Variants in HAGH observed in about 807,000 individuals in gnomAD.
HAGH encodes hydroxyacylglutathione hydrolase, mitochondrial.
A neutral mutation model predicts 35.1 loss-of-function variants in HAGH; 29 were observed. The ratio of observed to expected loss-of-function variants is 0.83; its 90% confidence interval spans 0.62 to 1.13. The LOEUF (loss-of-function observed/expected upper bound fraction) is 1.13. Ranked by LOEUF, HAGH falls within the 50% of genes most tolerant of loss-of-function variation. The pLI, the probability that HAGH is intolerant of heterozygous loss-of-function variation, is 0.00. For synonymous variants in HAGH, 225 were observed against 176.1 expected (o/e 1.28, Z -2.20); for missense variants, 478 against 419.6 (o/e 1.14, Z -1.22).
chr16:1,826,293 A>T (rs1456027805), intron 1 of HAGH, among the ~76,000 whole-genome samples: 3 of 150,906 alleles, frequency 2.0e-5, no homozygotes, highest in Non-Finnish European at 4.4e-5. Context: ...CCACCACCGC[A>T]GGCGGCGCCG....
At chr16:1,816,292 A>T (rs74002488) in intron 7 of HAGH, among the ~76,000 whole-genome samples, 13,932 of 151,846 alleles carry the variant, frequency 0.092, 785 homozygotes, top group African/African-American at 0.16. Flanking sequence ...CTGTAAAATA[A>T]TGTTAACCTC....
chr16:1,822,505 C>T (rs943362064), intron 2 of HAGH, 141 bp from the exon 3 acceptor site: 11 of 725,710 alleles, frequency 1.5e-5, no homozygotes, highest in African/African-American at 1.4e-4. Flanking sequence ...TGCCAGCTTG[C>T]CCTGCTCCAG....
At chr16:1,819,448 G>C (rs144158473) in intron 4 of HAGH, among the ~76,000 whole-genome samples, 208 of 152,336 alleles carry the variant, frequency 1.4e-3, no homozygotes, top group Non-Finnish European at 2.5e-3. Context: ...AAAAACCAAG[G>C]GGCTTGTTTC....
rs985361811 is a variant in HAGH at position 1,809,211 on chromosome 16, G to A, written c.*72C>T. The A allele has an allele frequency of 4.9e-5, 50 of 1,016,692 alleles. No individual in the cohort carries two copies. The highest frequency in any genetic ancestry group is 6.3e-5 in the Non-Finnish European group (42 of 665,690). The allele number at this position is 1,016,692 out of a possible 1,614,324, so 63.0% of individuals were successfully genotyped here. On this transcript the variant is annotated 3_prime_UTR_variant, in exon 9 of 9. Coordinates refer to ENST00000397356, the MANE Select transcript of HAGH (RefSeq NM_005326.6). ...AGGTTAAATCAAGACTGAATTTCCC[G>A]CACGGACCAGCAGGAAAGCCAGTTA...
intron 1 of HAGH, chr16:1,826,437 G>C (rs888894946): frequency 2.2e-6 from 1 of 452,214 alleles, no homozygotes; most frequent in African/African-American, 2.1e-5. Context: ...ATGCCCTGGA[G>C]GCGTCAGGGG....
intron 7 of HAGH, among the ~76,000 whole-genome samples, chr16:1,813,581 TAA>T (rs1567253516): frequency 6.6e-6 from 1 of 152,166 alleles, no homozygotes; most frequent in Non-Finnish European, 1.5e-5. Flanking sequence ...TGAGAAAAGC[TAA>T]AGACATTCAT....
intron 1 of HAGH, among the ~76,000 whole-genome samples, chr16:1,824,986 G>A (rs965486082): frequency 6.6e-6 from 1 of 152,196 alleles, no homozygotes; most frequent in Non-Finnish European, 1.5e-5. Context: ...CGTCCTCCTG[G>A]AAAGGAGCTC....
Position 1,819,488 on chromosome 16 carries a change from C to T in HAGH, c.433-265G>A, listed in dbSNP as rs550640907. Among the ~76,000 whole-genome samples, 108 of 152,332 alleles carry T rather than the reference C, an allele frequency of 7.1e-4. 1 individual carries two copies. The highest frequency in any genetic ancestry group is 3.4e-3 in the Middle Eastern group (1 of 294). On this transcript the variant is annotated intron_variant, in intron 4 of 8. Transcript: ENST00000397356. ...TTCAAAACTGGGCCAAATCCACGCT[C>T]GCCGTCTGGCTAGGAAAGACGGCTT...
At position 1,809,372 on chromosome 16, in the gene HAGH, C is replaced by G. The variant is rs756530698; in HGVS notation, c.838G>C (p.Val280Leu). The G allele has an allele frequency of 4.3e-6, 7 of 1,610,750 alleles. No individual in the cohort carries two copies. The change falls in exon 9 of 9, where the codon GTG becomes CTG. Residue 280 changes from valine to leucine, a missense_variant. Val to Leu is a conservative substitution (Grantham distance 32). Transcript: ENST00000397356. ...TCCGTCTCACCTGCGTGCTGCTGCA[C>G]CGTCTTCTCCCTGCGGAGGCCAGCA... ...NPFMRVREKT[V>L]QQHAGETDPV...
At chr16:1,811,019 G>A (rs1043873856) in intron 7 of HAGH, 4 of 152,246 alleles carry the variant, frequency 2.6e-5, no homozygotes, top group African/African-American at 9.6e-5. Context: ...CTTTAAAACA[G>A]AGGAAGTACA....
chr16:1,823,120 T>C, intron 1 of HAGH, 83 bp from the exon 2 acceptor site: 2 of 1,207,954 alleles, frequency 1.7e-6, no homozygotes, highest in Non-Finnish European at 2.4e-6. Flanking sequence ...CTTCCCAGCC[T>C]TTCTAGGTTC....
At chr16:1,817,716 C>T (rs995213400) in intron 5 of HAGH, among the ~76,000 whole-genome samples, 7 of 151,916 alleles carry the variant, frequency 4.6e-5, no homozygotes, top group African/African-American at 1.4e-4. Context: ...GCGGAAGATG[C>T]GGCCCACACC....
intron 1 of HAGH, among the ~76,000 whole-genome samples, chr16:1,824,799 G>A (rs546275634): frequency 6.6e-6 from 1 of 152,296 alleles, no homozygotes; most frequent in South Asian, 2.1e-4. Context: ...GCATTTTCCA[G>A]ATCATTCTCC....
chr16:1,814,930 T>TACAC (rs4027423), intron 7 of HAGH, among the ~76,000 whole-genome samples: 21,078 of 140,570 alleles, frequency 0.15, 1,659 homozygotes, highest in Admixed American at 0.23. Context: ...TATATGTATA[T>TACAC]ACACACACAC....
At chr16:1,811,235 G>A (rs1009398430) in intron 7 of HAGH, among the ~76,000 whole-genome samples, 2 of 152,080 alleles carry the variant, frequency 1.3e-5, no homozygotes, top group African/African-American at 4.8e-5. Context: ...GCAACACGGT[G>A]AAACCCCATC....
intron 8 of HAGH, 139 bp from the exon 9 acceptor site, chr16:1,809,521 T>C: frequency 1.4e-6 from 1 of 713,810 alleles, no homozygotes; most frequent in Non-Finnish European, 2.4e-6. Context: ...CGGCAGCCAC[T>C]CCCCTTCTGA....
rs147737721 is a variant in HAGH, at chr16:1,823,094, C to T, written c.77-57G>A. 5.7e-4 allele frequency: 841 copies of T among 1,471,824 alleles called. 3 individuals carry two copies. The African/African-American group carries it at 9.2e-3, about 16-fold the overall frequency. 91.2% of individuals were successfully genotyped at this position (1,471,824 alleles called of 1,614,324 possible). ...CCGCGCCAGGCCCTCCACGACAGGA[C>T]GCGCAAGCTGCAGTGCTTCCCAGCC... On this transcript the variant is annotated intron_variant, in intron 1 of 8. Transcript: ENST00000397356.
chr16:1,814,039 C>T (rs1370658481), intron 7 of HAGH, among the ~76,000 whole-genome samples: 1 of 152,176 alleles, frequency 6.6e-6, no homozygotes, highest in Admixed American at 6.5e-5. Context: ...CACACAAACA[C>T]CATCTTGAAA....
chr16:1,814,931 A>G (rs1897823922), intron 7 of HAGH, among the ~76,000 whole-genome samples: 1 of 7,092 alleles, frequency 1.4e-4, no homozygotes, highest in African/African-American at 3.9e-4. Flanking sequence ...ATATGTATAT[A>G]CACACACACA....
Sources: allele counts gnomAD v4.1 joint callset (sites outside exome capture counted in the v4.1 genomes callset), GRCh38; gene constraint gnomAD v4.1.1; transcripts MANE v1.5; gene names NCBI Gene and HGNC (gene_info 2026-07-23, HGNC 2026-07-21).